Variants in BTF3L4 observed in about 807,000 individuals in gnomAD.
BTF3L4 encodes transcription factor BTF3 homolog 4.
In BTF3L4, 6 loss-of-function variants were observed where a neutral mutation model predicts 16.8. The observed-to-expected ratio is 0.36, with a 90% CI of 0.20 to 0.71. The LOEUF (loss-of-function observed/expected upper bound fraction) is 0.71, where lower values mean the gene tolerates loss of function less well. Among genes scored for constraint, BTF3L4 ranks in the 30% least tolerant of loss-of-function variants. The pLI, the probability that BTF3L4 is intolerant of heterozygous loss-of-function variation, is 0.58. For missense variants in BTF3L4, 92 were observed against 186.9 expected (o/e 0.49, Z 2.96); for synonymous variants, 39 against 59.8 (o/e 0.65, Z 1.60).
chr1:52,066,946 G>A (rs1327879326), intron 3 of BTF3L4, among the ~76,000 whole-genome samples: 1 of 151,298 alleles, frequency 6.6e-6, no homozygotes, highest in Non-Finnish European at 1.5e-5. Flanking sequence ...GAAATAATGT[G>A]GAGGTAGGGG....
At chr1:52,086,307 T>C (rs545023938) in intron 5 of BTF3L4, 136 bp downstream of exon 5, 21 of 622,918 alleles carry the variant, frequency 3.4e-5, no homozygotes, top group South Asian at 1.6e-4. Context: ...GTGGATAGGA[T>C]CTAATGAAAA....
At chr1:52,073,732 G>A (rs190040728) in intron 3 of BTF3L4, among the ~76,000 whole-genome samples, 14 of 146,438 alleles carry the variant, frequency 9.6e-5, no homozygotes, top group Non-Finnish European at 4.5e-5. Flanking sequence ...AGGCTGGGTG[G>A]CTCAAGCCTG....
At chr1:52,086,554 A>C (rs1443178914) in intron 5 of BTF3L4, 158 bp from the exon 6 acceptor site, 11 of 535,482 alleles carry the variant, frequency 2.1e-5, no homozygotes, top group Non-Finnish European at 3.7e-5. Context: ...AATCATTGTT[A>C]GTAAAATGCC....
intron 2 of BTF3L4, among the ~76,000 whole-genome samples, chr1:52,063,947 A>G (rs1490386277): frequency 6.6e-6 from 1 of 152,240 alleles, no homozygotes; most frequent in East Asian, 1.9e-4. Flanking sequence ...AACTTCAGTC[A>G]TAAGTAATCA....
At position 52,087,532 on chromosome 1, in the gene BTF3L4, A is replaced by T. The variant is rs1643983583; in HGVS notation, c.*774A>T. ...ACCTAGCTTGAGAAGGATGTTCTCC[A>T]TATAGAGTTTAGCGAGTGCCTAATC... is the stretch of plus-strand genomic sequence containing the variant. On this transcript the variant is annotated 3_prime_UTR_variant, in exon 6 of 6. Transcript: ENST00000313334. 1 of 152,184 alleles carries T rather than the reference A, an allele frequency of 6.6e-6. No homozygotes were observed. The highest frequency in any genetic ancestry group is 2.4e-5 in the African/African-American group (1 of 41,450). The allele number at this position is 152,184 out of a possible 1,614,324, so 9.4% of individuals were successfully genotyped here. A position where few individuals can be genotyped will look rare whatever the true frequency, so the allele number is the denominator to read the frequency against.
At chr1:52,074,308 G>T (rs1047412027) in intron 3 of BTF3L4, among the ~76,000 whole-genome samples, 5 of 150,720 alleles carry the variant, frequency 3.3e-5, no homozygotes, top group African/African-American at 1.2e-4. Context: ...AGCGATTCTC[G>T]TGCCTCAAAC....
intron 3 of BTF3L4, among the ~76,000 whole-genome samples, chr1:52,077,270 G>A (rs908858422): frequency 3.3e-5 from 5 of 152,198 alleles, no homozygotes; most frequent in African/African-American, 9.7e-5. Context: ...GGCTGGGCGC[G>A]GTAGCTCCTA....
intron 3 of BTF3L4, among the ~76,000 whole-genome samples, chr1:52,075,519 C>G (rs1220866759): frequency 2.4e-5 from 3 of 124,256 alleles, no homozygotes; most frequent in Admixed American, 8.9e-5. Context: ...AGTGAGACTA[C>G]GTCTAAAAAA....
intron 3 of BTF3L4, among the ~76,000 whole-genome samples, chr1:52,076,231 G>A (rs1297130422): frequency 1.3e-5 from 2 of 151,992 alleles, no homozygotes; most frequent in African/African-American, 2.4e-5. Context: ...AGCAGAGATA[G>A]CACCACTGCA....
chr1:52,086,564 C>T, intron 5 of BTF3L4, 148 bp from the exon 6 acceptor site: 1 of 535,578 alleles, frequency 1.9e-6, no homozygotes, highest in East Asian at 3.1e-5. Context: ...AGTAAAATGC[C>T]ACCAGTTCAT....
In BTF3L4 at chr1:52,083,536, G is replaced by A. The variant is rs150363662; in HGVS notation, c.365G>A (p.Arg122Gln). Reference sequence around the variant, plus strand: ...AGGAAGTTAGCTGAACAGTTCCCACGGCAAGGTAGGTATTTCAATTTAGTA... The same window carrying A: ...AGGAAGTTAGCTGAACAGTTCCCACAGCAAGGTAGGTATTTCAATTTAGTA... ...SLRKLAEQFP[R>Q]QVLDSKAPKP... Residue 122 changes from arginine to glutamine, a missense_variant, in exon 4 of 6, where the codon CGG becomes CAG. By Grantham distance (43) the Arg-to-Gln change is conservative (BLOSUM62 1). Transcript: ENST00000313334. 6.8e-6 allele frequency: 11 copies of A among 1,611,654 alleles called. No individual in the cohort carries two copies. The highest frequency in any genetic ancestry group is 1.7e-5 in the Admixed American group (1 of 59,912).
At chr1:52,085,388 T>C (rs1420298623) in intron 4 of BTF3L4, among the ~76,000 whole-genome samples, 1 of 151,354 alleles carries the variant, frequency 6.6e-6, no homozygotes, top group Non-Finnish European at 1.5e-5. Flanking sequence ...TTGTTTTTTT[T>C]TTGAGACAGA....
rs1553239803 is a variant in BTF3L4, at chr1:52,073,448, A to ACACTATGTATATG, written c.168+8516_168+8517insGTATATGCACTAT. On this transcript the variant is annotated intron_variant, in intron 3 of 5. Coordinates refer to ENST00000313334, the MANE Select transcript of BTF3L4 (RefSeq NM_152265.5). ...TATTTAATCTTTCCCATCTTTATGT[A>ACACTATGTATATG]CACTATATATATGCACTATATATAT... 6.0e-5 allele frequency among the ~76,000 whole-genome samples: 9 copies of ACACTATGTATATG among 150,802 alleles called. No homozygotes were observed. The Admixed American group carries it at 6.0e-4, about 10-fold the overall frequency.
At position 52,083,454 on chromosome 1, in the gene BTF3L4, A is replaced by G; in HGVS notation, c.283A>G (p.Thr95Ala). ...ITGHAEAKPI[T>A]EMLPGILSQL... ...TGGTCATGCAGAAGCCAAACCAATC[A>G]CAGAAATGCTTCCTGGAATATTAAG... is the stretch of plus-strand genomic sequence containing the variant. Residue 95 changes from threonine to alanine, a missense_variant, in exon 4 of 6, where the codon ACA becomes GCA. Transcript: ENST00000313334. The G allele has an allele frequency of 1.2e-6, 2 of 1,612,552 alleles. No homozygotes were observed. The highest frequency in any genetic ancestry group is 4.5e-5 in the East Asian group (2 of 44,860).
chr1:52,066,445 G>C (rs1338406244), intron 3 of BTF3L4, among the ~76,000 whole-genome samples: 1 of 150,532 alleles, frequency 6.6e-6, no homozygotes, highest in African/African-American at 2.4e-5. Context: ...CAAATAATCT[G>C]CCCACCTTGG....
chr1:52,068,387 C>G (rs1287358232), intron 3 of BTF3L4, among the ~76,000 whole-genome samples: 1 of 152,200 alleles, frequency 6.6e-6, no homozygotes, highest in Admixed American at 6.5e-5. Flanking sequence ...AGCTTACGAT[C>G]TGGTGAGGAG....
intron 3 of BTF3L4, among the ~76,000 whole-genome samples, chr1:52,075,291 C>T (rs747835805): frequency 5.3e-5 from 8 of 150,984 alleles, no homozygotes; most frequent in Admixed American, 1.3e-4. Context: ...CGGTGGCTCA[C>T]GCCTGTAATC....
At chr1:52,063,654 A>T (rs1686574753) in intron 2 of BTF3L4, among the ~76,000 whole-genome samples, 1 of 152,218 alleles carries the variant, frequency 6.6e-6, no homozygotes, top group Non-Finnish European at 1.5e-5. Context: ...TAGTATTTCA[A>T]TGGAAAAATG....
intron 2 of BTF3L4, among the ~76,000 whole-genome samples, chr1:52,062,497 G>T (rs1686541842): frequency 6.6e-6 from 1 of 152,126 alleles, no homozygotes; most frequent in Admixed American, 6.6e-5. Context: ...ACCGCGCTCG[G>T]CCGGTACAGC....
Sources: gnomAD v4.1 joint callset for allele counts (sites outside exome capture counted in the v4.1 genomes callset) on GRCh38, gnomAD v4.1.1 for gene constraint, MANE v1.5 for transcripts, NCBI Gene and HGNC (gene_info 2026-07-23, HGNC 2026-07-21) for gene names.